The following MTUS2 variants were observed in gnomAD, a reference collection of about 807,000 sequenced individuals.
MTUS2 encodes microtubule associated scaffold protein 2.
MTUS2 carries 40 observed loss-of-function variants against 114.1 expected under a neutral mutation model. That is an observed-to-expected ratio of 0.35 (90% CI 0.27 to 0.46). The LOEUF (loss-of-function observed/expected upper bound fraction) is 0.46, where lower values mean the gene tolerates loss of function less well. Among genes scored for constraint, MTUS2 ranks in the 20% least tolerant of loss-of-function variants. The pLI is 1.00. For synonymous variants in MTUS2, 688 were observed against 672.0 expected, an observed-to-expected ratio of 1.02 and a Z score of -0.37; for missense variants, 1,679 against 1,705.4, an observed-to-expected ratio of 0.98 and a Z score of 0.27.
intron 7 of MTUS2, among the ~76,000 whole-genome samples, chr13:29,326,344 A>G (rs1048341185): frequency 6.6e-6 from 1 of 152,214 alleles, no homozygotes; most frequent in Admixed American, 6.5e-5. Context: ...AAGATGTGAA[A>G]TCACACACAC....
At chr13:29,358,399 C>G (rs1323129628) in intron 7 of MTUS2, among the ~76,000 whole-genome samples, 7 of 152,362 alleles carry the variant, frequency 4.6e-5, no homozygotes, top group Non-Finnish European at 1.0e-4. Flanking sequence ...AGGCAGAGCT[C>G]CTTGCCCCGT....
rs371225600 is a variant in MTUS2, at chr13:29,033,097, A to G, written c.2206-788A>G. Among the ~76,000 whole-genome samples, 23 of 152,310 alleles carry G rather than the reference A, an allele frequency of 1.5e-4. No individual in the cohort carries two copies. The East Asian group carries it at 2.1e-3, about 14-fold the overall frequency. On this transcript the variant is annotated intron_variant, in intron 3 of 15. Coordinates refer to ENST00000612955, the MANE Select transcript of MTUS2 (RefSeq NM_001033602.4). ...GACAGTAACGTTATGTTATTATTAA[A>G]CTTAGGAAAAAATGGAAACATGATT...
At chr13:29,087,135 T>C (rs1889727664) in intron 4 of MTUS2, among the ~76,000 whole-genome samples, 1 of 152,202 alleles carries the variant, frequency 6.6e-6, no homozygotes, top group African/African-American at 2.4e-5. Flanking sequence ...CTTCCAGCAC[T>C]ATGTTGAATA....
intron 5 of MTUS2, among the ~76,000 whole-genome samples, chr13:29,194,298 T>C (rs1423011924): frequency 1.3e-5 from 2 of 151,822 alleles, no homozygotes; most frequent in Non-Finnish European, 2.9e-5. Flanking sequence ...ACCATCAGAG[T>C]GAAGAGGCAA....
intron 1 of MTUS2, among the ~76,000 whole-genome samples, chr13:28,834,235 C>A (rs551220247): frequency 1.3e-5 from 2 of 152,132 alleles, no homozygotes; most frequent in South Asian, 4.2e-4. Context: ...CCTGAAAAAG[C>A]AGAACAAAGT....
chr13:29,000,659 C>G (rs930391086), intron 2 of MTUS2, among the ~76,000 whole-genome samples: 9 of 152,190 alleles, frequency 5.9e-5, no homozygotes, highest in African/African-American at 2.2e-4. Context: ...AGCCACTGTG[C>G]CTGGCCGACA....
intron 5 of MTUS2, among the ~76,000 whole-genome samples, chr13:29,195,539 G>T (rs1357704014): frequency 3.8e-5 from 3 of 78,524 alleles, no homozygotes; most frequent in Admixed American, 1.4e-4. Context: ...ACTTAATTCT[G>T]AAAAAAAAAA....
intron 9 of MTUS2, among the ~76,000 whole-genome samples, chr13:29,451,464 G>A (rs557283997): frequency 6.6e-6 from 1 of 152,252 alleles, no homozygotes; most frequent in African/African-American, 2.4e-5. Context: ...CATTCAATTT[G>A]CCCAACAATA....
intron 2 of MTUS2, among the ~76,000 whole-genome samples, chr13:28,891,097 T>C (rs1326672708): frequency 6.6e-6 from 1 of 152,180 alleles, no homozygotes; most frequent in Non-Finnish European, 1.5e-5. Context: ...AGTCAGCCCT[T>C]TGCAGGGAAC....
Position 29,076,380 on chromosome 13 carries a change from T to G in MTUS2, c.2447-24393T>G, listed in dbSNP as rs566218808. Among the ~76,000 whole-genome samples, 48 of 152,354 alleles carry G rather than the reference T, an allele frequency of 3.2e-4. 1 individual carries two copies. In the South Asian group the frequency reaches 9.9e-3, roughly 32 times the overall value. On this transcript the variant is annotated intron_variant, in intron 4 of 15. Transcript: ENST00000612955. ...ACAAATCACTCTAACGCTTAGATGC[T>G]GAAAACTGCAACAATTATTTATGAT...
At chr13:29,330,527 T>G (rs9578083) in intron 7 of MTUS2, among the ~76,000 whole-genome samples, 28,675 of 152,154 alleles carry the variant, frequency 0.19, 2,784 homozygotes, top group Middle Eastern at 0.22. Context: ...GTCCTGAATA[T>G]TATTGCCTGG....
intron 5 of MTUS2, among the ~76,000 whole-genome samples, chr13:29,182,829 G>A (rs1353753971): frequency 6.6e-6 from 1 of 152,208 alleles, no homozygotes; most frequent in Non-Finnish European, 1.5e-5. Flanking sequence ...TTAACTAACA[G>A]ATATCTGGGA....
intron 4 of MTUS2, among the ~76,000 whole-genome samples, chr13:29,049,777 C>T (rs1357053549): frequency 6.6e-6 from 1 of 152,172 alleles, no homozygotes; most frequent in African/African-American, 2.4e-5. Flanking sequence ...TGCTCCCTAC[C>T]ACAGAGCAGC....
At position 29,291,900 on chromosome 13, in the gene MTUS2, T is replaced by C. The variant is rs1292524126; in HGVS notation, c.2806+10035T>C. On this transcript the variant is annotated intron_variant, in intron 6 of 15. Transcript: ENST00000612955. Reference sequence around the variant, plus strand: ...TTCTCAGTTTCATCCAACTCTAACATCTAAGCCCTCCTTGCATTTCAAAAT... The same window carrying C: ...TTCTCAGTTTCATCCAACTCTAACACCTAAGCCCTCCTTGCATTTCAAAAT... 2.0e-5 allele frequency among the ~76,000 whole-genome samples: 3 copies of C among 152,234 alleles called. No homozygotes were observed. In the East Asian group the frequency reaches 5.8e-4, roughly 29 times the overall value.
intron 5 of MTUS2, among the ~76,000 whole-genome samples, chr13:29,182,433 C>T (rs541033544): frequency 2.0e-5 from 3 of 152,336 alleles, no homozygotes; most frequent in East Asian, 1.9e-4. Flanking sequence ...AGTAAAACTG[C>T]GTTGCATTAC....
intron 5 of MTUS2, among the ~76,000 whole-genome samples, chr13:29,236,889 G>GA (rs1234655290): frequency 1.3e-5 from 2 of 152,202 alleles, no homozygotes; most frequent in African/African-American, 4.8e-5. Context: ...CTGAGTCCTG[G>GA]AATGTGAGCA....
chr13:29,454,448 A>G (rs1878960460), intron 9 of MTUS2, among the ~76,000 whole-genome samples: 1 of 152,234 alleles, frequency 6.6e-6, no homozygotes, highest in Admixed American at 6.5e-5. Flanking sequence ...AATACTTTTA[A>G]CTAAGTTTAC....
At chr13:29,119,078 G>A (rs536860119) in intron 5 of MTUS2, among the ~76,000 whole-genome samples, 28 of 152,106 alleles carry the variant, frequency 1.8e-4, no homozygotes, top group Middle Eastern at 6.8e-3. Flanking sequence ...TACAAGATAC[G>A]TTTTCTATGT....
At chr13:29,412,261 C>T (rs1015232178) in intron 8 of MTUS2, among the ~76,000 whole-genome samples, 13 of 152,120 alleles carry the variant, frequency 8.5e-5, no homozygotes, top group African/African-American at 3.1e-4. Flanking sequence ...TAAGAAAACA[C>T]TTCATTTCCT....
Sources: allele counts gnomAD v4.1 joint callset (sites outside exome capture counted in the v4.1 genomes callset), GRCh38; gene constraint gnomAD v4.1.1; transcripts MANE v1.5; gene names NCBI Gene and HGNC (gene_info 2026-07-23, HGNC 2026-07-21).